SPMIP2: variants seen among roughly 807,000 people sequenced by gnomAD.
The protein encoded by SPMIP2 is sperm microtubule inner protein 2, also known as protein SPMIP2.
chr4:158,913,214 CTGT>C, the SPMIP2 span, among the ~76,000 whole-genome samples: 26 of 152,122 alleles, frequency 1.7e-4, no homozygotes, highest in South Asian at 1.0e-3. Flanking sequence ...TTTGTTGTTG[CTGT>C]TGTTGTTGTT....
At chr4:159,016,867 T>C in the SPMIP2 span, among the ~76,000 whole-genome samples, 1 of 152,218 alleles carries the variant, frequency 6.6e-6, no homozygotes, top group East Asian at 1.9e-4. Flanking sequence ...ACACTTTTAC[T>C]TTTCCATTTC....
At chr4:159,002,304 G>T in the SPMIP2 span, among the ~76,000 whole-genome samples, 2 of 151,994 alleles carry the variant, frequency 1.3e-5, no homozygotes, top group Non-Finnish European at 2.9e-5. Context: ...ATCTGTGCTT[G>T]TAGTTTCATT....
At chr4:158,935,321 C>T in the SPMIP2 span, among the ~76,000 whole-genome samples, 328 of 152,306 alleles carry the variant, frequency 2.2e-3, 3 homozygotes, top group Middle Eastern at 6.8e-3. Context: ...GTTACCTCTC[C>T]TACAAAGCAT....
the SPMIP2 span, chr4:158,906,676 C>G: frequency 6.6e-6 from 1 of 152,186 alleles, no homozygotes; most frequent in Non-Finnish European, 1.5e-5. Flanking sequence ...GGATTCCAGT[C>G]AGAACCTAAT....
At chr4:158,930,314 C>T in the SPMIP2 span, among the ~76,000 whole-genome samples, 3 of 151,984 alleles carry the variant, frequency 2.0e-5, no homozygotes, top group Admixed American at 2.0e-4. Flanking sequence ...CAAGCTCAAG[C>T]AATCCTCCCC....
the SPMIP2 span, among the ~76,000 whole-genome samples, chr4:158,984,877 C>G: frequency 9.2e-5 from 14 of 151,598 alleles, no homozygotes; most frequent in East Asian, 3.9e-4. Context: ...AAAACTGATA[C>G]ACCGCTAGCA....
the SPMIP2 span, among the ~76,000 whole-genome samples, chr4:158,995,259 G>A: frequency 6.6e-6 from 1 of 152,054 alleles, no homozygotes; most frequent in Non-Finnish European, 1.5e-5. Context: ...AAACTTTCCT[G>A]TGGACAACCT....
At chr4:159,059,909 T>C in the SPMIP2 span, among the ~76,000 whole-genome samples, 1 of 151,958 alleles carries the variant, frequency 6.6e-6, no homozygotes, top group South Asian at 2.1e-4. Context: ...TTCTTTGGGG[T>C]GAGAGAAAGC....
At chr4:159,027,365 G>A in the SPMIP2 span, among the ~76,000 whole-genome samples, 1 of 152,146 alleles carries the variant, frequency 6.6e-6, no homozygotes, top group Non-Finnish European at 1.5e-5. Context: ...TTATTTTTGA[G>A]TAGACTGAAG....
At chr4:159,027,958 G>A in the SPMIP2 span, among the ~76,000 whole-genome samples, 1 of 152,156 alleles carries the variant, frequency 6.6e-6, no homozygotes, top group Non-Finnish European at 1.5e-5. Context: ...GTAAGGTAGA[G>A]TTCTGTAATA....
At chr4:159,060,448 A>T in the SPMIP2 span, among the ~76,000 whole-genome samples, 1 of 152,216 alleles carries the variant, frequency 6.6e-6, no homozygotes, top group Non-Finnish European at 1.5e-5. Flanking sequence ...GTCAGAAAAC[A>T]GAAGTTTAGT....
At chr4:159,031,090 TA>T in the SPMIP2 span, among the ~76,000 whole-genome samples, 1 of 152,232 alleles carries the variant, frequency 6.6e-6, no homozygotes, top group Non-Finnish European at 1.5e-5. Context: ...GTACTTCACT[TA>T]AACTAATGTT....
At chr4:158,963,286 GTTTTT>G in the SPMIP2 span, among the ~76,000 whole-genome samples, 1 of 151,004 alleles carries the variant, frequency 6.6e-6, no homozygotes, top group East Asian at 1.9e-4. Flanking sequence ...AGGTAGTTTT[GTTTTT>G]TTTTTGTTTG....
chr4:159,060,709 A>C, the SPMIP2 span, among the ~76,000 whole-genome samples: 5 of 152,216 alleles, frequency 3.3e-5, no homozygotes, highest in Admixed American at 2.0e-4. Context: ...AGCAAACTAA[A>C]TGCCATAAAC....
the SPMIP2 span, among the ~76,000 whole-genome samples, chr4:158,894,866 T>C: frequency 6.6e-6 from 1 of 152,188 alleles, no homozygotes; most frequent in Non-Finnish European, 1.5e-5. Context: ...CTGATAGATA[T>C]TTTTTCCATG....
the SPMIP2 span, among the ~76,000 whole-genome samples, chr4:159,076,611 T>A: frequency 3.3e-5 from 5 of 152,354 alleles, no homozygotes; most frequent in African/African-American, 1.2e-4. Flanking sequence ...CATTTTTTAA[T>A]GGTAATAAAC....
the SPMIP2 span, among the ~76,000 whole-genome samples, chr4:158,935,888 C>G: frequency 1.3e-5 from 2 of 152,214 alleles, no homozygotes; most frequent in Non-Finnish European, 2.9e-5. Context: ...AGAAGGGACC[C>G]GCCGGGGCTG....
chr4:158,893,736 A>G, the SPMIP2 span: 1 of 1,538,544 alleles, frequency 6.5e-7, no homozygotes, highest in South Asian at 1.2e-5. Flanking sequence ...GAAGTAATGT[A>G]TATTAGACTT....
the SPMIP2 span, among the ~76,000 whole-genome samples, chr4:159,001,004 A>T: frequency 2.0e-5 from 3 of 152,262 alleles, no homozygotes; most frequent in Admixed American, 2.0e-4. Flanking sequence ...GTTTTCATTT[A>T]TCTTGGGTAA....
Sources: allele counts gnomAD v4.1 joint callset (sites outside exome capture counted in the v4.1 genomes callset), GRCh38; gene constraint gnomAD v4.1.1; transcripts MANE v1.5; gene names NCBI Gene and HGNC (gene_info 2026-07-23, HGNC 2026-07-21).